Variants in ARHGAP10 observed in about 807,000 individuals in gnomAD.
The protein encoded by ARHGAP10 is Rho GTPase activating protein 10.
Under a neutral mutation model 108.6 loss-of-function variants are expected in ARHGAP10, and 87 were observed. The observed-to-expected ratio is 0.80, with a 90% CI of 0.67 to 0.96. The LOEUF is 0.96. Among genes scored for constraint, ARHGAP10 ranks in the 40% least tolerant of loss-of-function variants. ARHGAP10 has a pLI of 0.00. For synonymous variants in ARHGAP10, 347 were observed against 341.1 expected, an observed-to-expected ratio of 1.02 and a Z score of -0.19; for missense variants, 939 against 954.5, an observed-to-expected ratio of 0.98 and a Z score of 0.21.
At chr4:147,942,809 A>T (rs1738209612) in intron 14 of ARHGAP10, among the ~76,000 whole-genome samples, 1 of 152,240 alleles carries the variant, frequency 6.6e-6, no homozygotes, top group Non-Finnish European at 1.5e-5. Flanking sequence ...CCCCTCTGGG[A>T]GCCTAAGGCA....
chr4:147,904,329 C>T (rs1736367965), intron 10 of ARHGAP10, among the ~76,000 whole-genome samples: 1 of 151,984 alleles, frequency 6.6e-6, no homozygotes, highest in Non-Finnish European at 1.5e-5. Context: ...TGTGCTGCAT[C>T]CATTAACTCG....
chr4:148,042,301 A>G (rs780097670), intron 19 of ARHGAP10, among the ~76,000 whole-genome samples: 2 of 152,146 alleles, frequency 1.3e-5, no homozygotes, highest in Non-Finnish European at 2.9e-5. Context: ...TGTTCTCCAG[A>G]TCGTATCACT....
intron 16 of ARHGAP10, among the ~76,000 whole-genome samples, chr4:147,957,526 T>C (rs1260088911): frequency 1.3e-5 from 2 of 152,210 alleles, no homozygotes; most frequent in African/African-American, 4.8e-5. Context: ...CTTACCTGGT[T>C]TTGCTCAAGT....
chr4:148,057,900 G>T (rs1729429638), intron 20 of ARHGAP10, among the ~76,000 whole-genome samples: 1 of 152,210 alleles, frequency 6.6e-6, no homozygotes, highest in Non-Finnish European at 1.5e-5. Flanking sequence ...GAGCCAGTGG[G>T]TCTACTCCGA....
chr4:147,902,058 G>A lies in ARHGAP10; in HGVS notation c.1035-4580G>A, dbSNP rs543671106. On this transcript the variant is annotated intron_variant, in intron 10 of 22. Coordinates refer to ENST00000336498, the MANE Select transcript of ARHGAP10 (RefSeq NM_024605.4). Reference sequence around the variant, plus strand: ...CTGAATTCCTTTACTAGTTACTGATGGTATATTGTAGTTGATCTGTCTTCT... The same window carrying A: ...CTGAATTCCTTTACTAGTTACTGATAGTATATTGTAGTTGATCTGTCTTCT... Among the ~76,000 whole-genome samples, 9 of 152,238 alleles carry A rather than the reference G, an allele frequency of 5.9e-5. No homozygotes were observed. The Middle Eastern group carries it at 0.014, about 230-fold the overall frequency.
At chr4:147,791,541 C>CGTGCGTGCGCGCGT (rs922340284) in intron 1 of ARHGAP10, among the ~76,000 whole-genome samples, 27 of 151,950 alleles carry the variant, frequency 1.8e-4, no homozygotes, top group African/African-American at 4.8e-4. Context: ...TGTGCGCGCG[C>CGTGCGTGCGCGCGT]GTGCGTGCGC....
intron 3 of ARHGAP10, among the ~76,000 whole-genome samples, chr4:147,833,379 G>A (rs553675933): frequency 2.6e-5 from 4 of 152,244 alleles, no homozygotes; most frequent in South Asian, 4.2e-4. Flanking sequence ...CATGTAAGAC[G>A]TGCCCTTCTT....
At chr4:147,920,443 A>C (rs1737192540) in intron 13 of ARHGAP10, among the ~76,000 whole-genome samples, 1 of 151,902 alleles carries the variant, frequency 6.6e-6, no homozygotes, top group Non-Finnish European at 1.5e-5. Flanking sequence ...AATCCCTGCA[A>C]CCTAAATCCA....
chr4:147,834,922 T>C (rs1384657262), intron 3 of ARHGAP10, among the ~76,000 whole-genome samples: 1 of 152,066 alleles, frequency 6.6e-6, no homozygotes, highest in Non-Finnish European at 1.5e-5. Flanking sequence ...TCTCATCCTG[T>C]CTTGGTGTCT....
At chr4:147,741,269 C>A (rs1728646103) in intron 1 of ARHGAP10, among the ~76,000 whole-genome samples, 1 of 152,168 alleles carries the variant, frequency 6.6e-6, no homozygotes, top group East Asian at 1.9e-4. Context: ...TCAAAACAGT[C>A]AGTAATTAAT....
At chr4:148,061,169 A>G (rs569849703) in intron 20 of ARHGAP10, among the ~76,000 whole-genome samples, 4 of 151,882 alleles carry the variant, frequency 2.6e-5, no homozygotes. Flanking sequence ...TTATTTTTCA[A>G]GGGCCACATA....
chr4:148,052,651 T>C (rs1361748737), intron 20 of ARHGAP10, among the ~76,000 whole-genome samples: 1 of 152,136 alleles, frequency 6.6e-6, no homozygotes, highest in Non-Finnish European at 1.5e-5. Context: ...CTGAGATCTC[T>C]AGGAGAGCCT....
intron 16 of ARHGAP10, among the ~76,000 whole-genome samples, chr4:147,957,389 A>G (rs938073883): frequency 7.2e-5 from 11 of 152,164 alleles, no homozygotes; most frequent in African/African-American, 2.4e-4. Context: ...TCTTTTGCAT[A>G]TGGACTTTTA....
intron 20 of ARHGAP10, among the ~76,000 whole-genome samples, chr4:148,047,829 T>C (rs1728954675): frequency 6.6e-6 from 1 of 152,178 alleles, no homozygotes; most frequent in African/African-American, 2.4e-5. Context: ...TCTTTTTTTT[T>C]CTTTTTTTTA....
rs1731398338 is a variant in ARHGAP10 at position 147,798,287 on chromosome 4, G to A, written c.155-24440G>A. On this transcript the variant is annotated intron_variant, in intron 1 of 22. Transcript: ENST00000336498. ...CCTCTGAACCATCTTCGTTGTCTCT[G>A]GCTGTGTTACTTATACAACACCTGC... Among the ~76,000 whole-genome samples the A allele has an allele frequency of 2.0e-5, 3 of 151,834 alleles. No homozygotes were observed. In the South Asian group the frequency reaches 6.2e-4, roughly 32 times the overall value.
chr4:147,978,105 A>G (rs1332843720), intron 18 of ARHGAP10, among the ~76,000 whole-genome samples: 1 of 152,158 alleles, frequency 6.6e-6, no homozygotes, highest in African/African-American at 2.4e-5. Context: ...TGTTATTGTG[A>G]ATAATGCTGC....
intron 15 of ARHGAP10, among the ~76,000 whole-genome samples, chr4:147,951,557 T>C (rs1451334099): frequency 4.6e-5 from 7 of 152,102 alleles, no homozygotes; most frequent in Admixed American, 4.6e-4. Context: ...GCATCGTAAA[T>C]TGTATGTAAG....
At chr4:147,957,105 T>C (rs1213210514) in intron 16 of ARHGAP10, among the ~76,000 whole-genome samples, 1 of 152,166 alleles carries the variant, frequency 6.6e-6, no homozygotes, top group African/African-American at 2.4e-5. Flanking sequence ...GTGGGAATGC[T>C]GTGATAGTCT....
At chr4:148,067,763 A>T (rs1729960914) in intron 22 of ARHGAP10, among the ~76,000 whole-genome samples, 1 of 152,050 alleles carries the variant, frequency 6.6e-6, no homozygotes, top group Non-Finnish European at 1.5e-5. Flanking sequence ...GTCAGTAGTT[A>T]TGCGTTTGGG....
Sources: gnomAD v4.1 joint callset for allele counts (sites outside exome capture counted in the v4.1 genomes callset) on GRCh38, gnomAD v4.1.1 for gene constraint, MANE v1.5 for transcripts, NCBI Gene and HGNC (gene_info 2026-07-23, HGNC 2026-07-21) for gene names.